The following CD99L2 variants were observed in gnomAD, a reference collection of about 807,000 sequenced individuals.
The protein encoded by CD99L2 is CD99 antigen-like protein 2.
Under a neutral mutation model 27.3 loss-of-function variants are expected in CD99L2, and 24 were observed. The observed-to-expected ratio is 0.88, with a 90% CI of 0.64 to 1.24. The LOEUF (loss-of-function observed/expected upper bound fraction) is 1.24, where lower values mean the gene tolerates loss of function less well. Among genes scored for constraint, CD99L2 ranks in the 50% most tolerant of loss-of-function variants. The probability of loss-of-function intolerance (pLI) is 0.00; values close to 1 mark genes in which losing one functional copy is unlikely to be tolerated. For synonymous variants in CD99L2, 97 were observed against 87.9 expected (o/e 1.10, Z -0.58); for missense variants, 255 against 221.6 (o/e 1.15, Z -0.96).
chrX:150,849,773 T>C (rs1309078460), intron 1 of CD99L2, among the ~76,000 whole-genome samples: 1 of 111,642 alleles, frequency 9.0e-6, no homozygotes, highest in Non-Finnish European at 1.9e-5. Flanking sequence ...CAGCTTGTCA[T>C]GGAAGCAGGC....
chrX:150,771,802 T>TA (rs1557419089), intron 9 of CD99L2: 1 of 1,155,236 alleles, frequency 8.7e-7, no homozygotes, highest in East Asian at 3.3e-5. Flanking sequence ...AAAGCAGCGT[T>TA]ACCTTGACCT....
At chrX:150,783,188 A>G (rs1458207670) in intron 7 of CD99L2, among the ~76,000 whole-genome samples, 2 of 108,942 alleles carry the variant, frequency 1.8e-5, no homozygotes, top group African/African-American at 6.7e-5. Context: ...GCATTAGGAG[A>G]AACACCTAAT....
At chrX:150,880,706 G>A (rs1352808356) in intron 1 of CD99L2, among the ~76,000 whole-genome samples, 1 of 111,748 alleles carries the variant, frequency 8.9e-6, no homozygotes, top group Non-Finnish European at 1.9e-5. Context: ...GAAAGAAAAT[G>A]GAACTGTTTT....
At chrX:150,836,822 G>A (rs2046537979) in intron 1 of CD99L2, among the ~76,000 whole-genome samples, 1 of 111,716 alleles carries the variant, frequency 9.0e-6, no homozygotes, top group Non-Finnish European at 1.9e-5. Context: ...TACAGCATGT[G>A]ACTGTACTGA....
chrX:150,776,410 C>T lies in CD99L2; in HGVS notation c.536-117G>A, dbSNP rs190766331. 94 of 873,751 alleles carry T rather than the reference C, an allele frequency of 1.1e-4. No individual in the cohort carries two copies. In the East Asian group the frequency reaches 3.1e-3, roughly 29 times the overall value. The allele number at this position is 873,751 out of a possible 1,213,427, so 72.0% of individuals were successfully genotyped here. ...CAAACTACTAGACGCCCCCAACCCCCAAGCCAGCAGGAGAGGGCCATGCCA... is the reference window on the plus strand; with the variant it reads ...CAAACTACTAGACGCCCCCAACCCCTAAGCCAGCAGGAGAGGGCCATGCCA... On this transcript the variant is annotated intron_variant, in intron 8 of 10. Coordinates refer to ENST00000370377, the MANE Select transcript of CD99L2 (RefSeq NM_031462.4).
At chrX:150,771,294 T>A (rs2123998083) in intron 9 of CD99L2, among the ~76,000 whole-genome samples, 1 of 112,620 alleles carries the variant, frequency 8.9e-6, no homozygotes, top group East Asian at 2.8e-4. Context: ...CTGCTGGGCT[T>A]GAGGTGGGAG....
chrX:150,785,374 C>G (rs939717307), intron 7 of CD99L2, among the ~76,000 whole-genome samples: 1 of 112,021 alleles, frequency 8.9e-6, no homozygotes, highest in South Asian at 3.7e-4. Flanking sequence ...GCATCATTCA[C>G]TTTATCACGT....
chrX:150,874,757 A>G (rs1436044265), intron 1 of CD99L2, among the ~76,000 whole-genome samples: 2 of 111,599 alleles, frequency 1.8e-5, no homozygotes, highest in Non-Finnish European at 3.8e-5. Context: ...ATCTTGTCCT[A>G]TCTCACTCAT....
chrX:150,783,309 C>A (rs7885608), intron 7 of CD99L2, among the ~76,000 whole-genome samples: 13,573 of 110,052 alleles, frequency 0.12, 834 homozygotes, highest in African/African-American at 0.22. Context: ...ATCTCTCTCT[C>A]TATATATATA....
intron 1 of CD99L2, among the ~76,000 whole-genome samples, chrX:150,844,342 T>C (rs1156871177): frequency 8.9e-6 from 1 of 111,854 alleles, no homozygotes; most frequent in Non-Finnish European, 1.9e-5. Context: ...TTGTGGGAAA[T>C]CTATGCGACA....
intron 10 of CD99L2, among the ~76,000 whole-genome samples, chrX:150,769,673 CTGCCTGCGCCACCAGG>C (rs1282282562): frequency 1.0e-5 from 1 of 95,533 alleles, no homozygotes; most frequent in Non-Finnish European, 1.9e-5. Flanking sequence ...CCTAGTCTCC[CTGCCTGCGCCACCAGG>C]CCTCGGCTGC....
At chrX:150,847,834 C>G (rs2046725314) in intron 1 of CD99L2, among the ~76,000 whole-genome samples, 1 of 111,151 alleles carries the variant, frequency 9.0e-6, no homozygotes. Flanking sequence ...CAAGAACTGT[C>G]AATTCCACCC....
chrX:150,838,320 G>T (rs1403572860), intron 1 of CD99L2, among the ~76,000 whole-genome samples: 1 of 111,576 alleles, frequency 9.0e-6, no homozygotes, highest in Non-Finnish European at 1.9e-5. Context: ...ACAGAAGAGG[G>T]CTTTACATAA....
chrX:150,889,953 C>A (rs1458798610), intron 1 of CD99L2, among the ~76,000 whole-genome samples: 1 of 107,506 alleles, frequency 9.3e-6, no homozygotes, highest in Non-Finnish European at 1.9e-5. Context: ...GAGATCGAGA[C>A]CATCCTGGCT....
intron 9 of CD99L2, among the ~76,000 whole-genome samples, chrX:150,771,580 C>CT (rs1239301255): frequency 9.0e-6 from 1 of 111,388 alleles, no homozygotes; most frequent in East Asian, 2.9e-4. Flanking sequence ...CACCTCAACT[C>CT]TCCCCCCACC....
chrX:150,830,025 C>T (rs1035442973), intron 2 of CD99L2, among the ~76,000 whole-genome samples: 4 of 109,606 alleles, frequency 3.6e-5, no homozygotes, highest in East Asian at 2.9e-4. Context: ...CGTGGCGGTA[C>T]GCACCTGTAG....
intron 7 of CD99L2, among the ~76,000 whole-genome samples, chrX:150,788,817 T>G (rs1442106552): frequency 1.8e-5 from 2 of 111,904 alleles, no homozygotes; most frequent in Non-Finnish European, 3.8e-5. Context: ...TGTTGAACTT[T>G]ACAATAAACT....
At chrX:150,859,316 T>C (rs1557421836) in intron 1 of CD99L2, among the ~76,000 whole-genome samples, 1 of 110,470 alleles carries the variant, frequency 9.1e-6, no homozygotes, top group African/African-American at 3.3e-5. Flanking sequence ...CTGGCCAAGA[T>C]GGTGAAACCC....
In CD99L2 at chrX:150,769,093, A is replaced by G; in HGVS notation, c.730T>C (p.Ser244Pro). The G allele has an allele frequency of 8.6e-7, 1 of 1,163,316 alleles. No individual in the cohort carries two copies. The highest frequency in any genetic ancestry group is 1.1e-6 in the Non-Finnish European group (1 of 877,568). The change falls in exon 11 of 11, where the codon TCC becomes CCC. Residue 244 changes from serine to proline, a missense_variant. Coordinates refer to ENST00000370377, the MANE Select transcript of CD99L2 (RefSeq NM_031462.4). ...VVCEEPQVKY[S>P]TLHTQSAEPP... Reference sequence around the variant, plus strand: ...TCTGCAGACTGCGTGTGCAACGTGGAGTATTTCACTAGGGGAAAAAGAGGC... The same window carrying G: ...TCTGCAGACTGCGTGTGCAACGTGGGGTATTTCACTAGGGGAAAAAGAGGC...
Sources: gnomAD v4.1 joint callset for allele counts (sites outside exome capture counted in the v4.1 genomes callset) on GRCh38, gnomAD v4.1.1 for gene constraint, MANE v1.5 for transcripts, NCBI Gene and HGNC (gene_info 2026-07-23, HGNC 2026-07-21) for gene names.